The following GLOD4 variants were observed in gnomAD, a reference collection of about 807,000 sequenced individuals.
GLOD4 encodes the protein glyoxalase domain-containing protein 4.
In GLOD4, 44 loss-of-function variants were observed where a neutral mutation model predicts 39.1. The observed-to-expected ratio is 1.13, with a 90% confidence interval of 0.88 to 1.45. The LOEUF is 1.45. Ranked by LOEUF, GLOD4 falls within the 40% of genes most tolerant of loss-of-function variation. The probability of loss-of-function intolerance (pLI) is 0.00; values close to 1 mark genes in which losing one functional copy is unlikely to be tolerated. For synonymous variants in GLOD4, 145 were observed against 135.0 expected, an observed-to-expected ratio of 1.07 and a Z score of -0.52; for missense variants, 405 against 366.4, an observed-to-expected ratio of 1.11 and a Z score of -0.86.
intron 8 of GLOD4, among the ~76,000 whole-genome samples, chr17:769,620 A>G (rs1222915197): frequency 6.6e-6 from 1 of 151,560 alleles, no homozygotes; most frequent in East Asian, 2.0e-4. Flanking sequence ...AGAGCAGAAT[A>G]AGCACAGATC....
intron 8 of GLOD4, among the ~76,000 whole-genome samples, chr17:768,754 T>TAGA (rs59972384): frequency 3.0e-5 from 3 of 98,640 alleles, no homozygotes; most frequent in Admixed American, 1.1e-4. Flanking sequence ...CTCAGATTTT[T>TAGA]AGAAGAAATC....
At chr17:761,294 G>A (rs1203763248) in intron 8 of GLOD4, among the ~76,000 whole-genome samples, 2 of 152,128 alleles carry the variant, frequency 1.3e-5, no homozygotes, top group African/African-American at 4.8e-5. Context: ...AGGTGAAAGT[G>A]GCTGTCCTAG....
At chr17:776,021 T>C (rs977201513) in intron 3 of GLOD4, 102 bp from the exon 4 acceptor site, 3 of 850,858 alleles carry the variant, frequency 3.5e-6, no homozygotes, top group Non-Finnish European at 5.6e-6. Flanking sequence ...TTAGGTAAAA[T>C]CACCTAAGAT....
chr17:781,998 C>T lies in GLOD4; in HGVS notation c.90+168G>A, dbSNP rs754065921. Reference sequence around the variant, plus strand: ...GGCCCTTCTCCAAGGCCTATGATCCCCAACGGCAACTCGCCACGCTCCTGA... The same window carrying T: ...GGCCCTTCTCCAAGGCCTATGATCCTCAACGGCAACTCGCCACGCTCCTGA... On this transcript the variant is annotated intron_variant, in intron 1 of 8. Coordinates refer to ENST00000301329, the MANE Select transcript of GLOD4 (RefSeq NM_016080.4). The T allele has an allele frequency of 3.2e-5, 19 of 597,010 alleles. No homozygotes were observed. The East Asian group carries it at 5.3e-4, about 17-fold the overall frequency. 37.0% of individuals were successfully genotyped at this position (597,010 alleles called of 1,614,324 possible). A position where few individuals can be genotyped will look rare whatever the true frequency, so the allele number is the denominator to read the frequency against.
rs759420359 is a variant in GLOD4, at chr17:776,850, G to GA, written c.261+17dup. 6.2e-5 allele frequency: 100 copies of GA among 1,607,244 alleles called. 1 individual carries two copies. In the Middle Eastern group the frequency reaches 2.0e-3, roughly 32 times the overall value. On this transcript the variant is annotated intron_variant, in intron 3 of 8. Transcript: ENST00000301329. ...CCTACCCCCAGCCAAAACTCTGCTAGAAAAAAACGGTATTTACCATAAAGT... is the reference window on the plus strand; with the variant it reads ...CCTACCCCCAGCCAAAACTCTGCTAGAAAAAAAACGGTATTTACCATAAAGT...
In GLOD4 at chr17:771,605, T is replaced by A. The variant is rs538746154; in HGVS notation, c.407-144A>T. On this transcript the variant is annotated intron_variant, in intron 4 of 8. Coordinates refer to ENST00000301329, the MANE Select transcript of GLOD4 (RefSeq NM_016080.4). ...GTATGAAGCTGGGTGCAGCGGCCCA[T>A]GCCTGTAATGCCAGCACTTTGGGAG... The A allele has an allele frequency of 2.0e-5, 10 of 496,688 alleles. No individual in the cohort carries two copies. The East Asian group carries it at 2.8e-4, about 14-fold the overall frequency. 30.8% of individuals were successfully genotyped at this position (496,688 alleles called of 1,614,324 possible).
Position 771,478 on chromosome 17 carries a change from C to A in GLOD4, c.407-17G>T. Reference sequence around the variant, plus strand: ...ATACAGGATCTGTTGGGTAATAAAGCAGGAATAGACAGATCAATTTAATAG... The same window carrying A: ...ATACAGGATCTGTTGGGTAATAAAGAAGGAATAGACAGATCAATTTAATAG... On this transcript the variant is annotated splice_polypyrimidine_tract_variant and intron_variant, in intron 4 of 8. Coordinates refer to ENST00000301329, the MANE Select transcript of GLOD4 (RefSeq NM_016080.4). 7.0e-7 allele frequency: 1 copy of A among 1,433,206 alleles called. No homozygotes were observed. Among genetic ancestry groups the A allele is most frequent in the South Asian group, 1.3e-5 (1 of 76,930 alleles). 88.8% of individuals were successfully genotyped at this position (1,433,206 alleles called of 1,614,324 possible). A position where few individuals can be genotyped will look rare whatever the true frequency, so the allele number is the denominator to read the frequency against.
At chr17:772,547 G>A (rs573058345) in intron 4 of GLOD4, among the ~76,000 whole-genome samples, 249 of 152,198 alleles carry the variant, frequency 1.6e-3, no homozygotes, top group African/African-American at 5.2e-3. Context: ...CAACACAGTA[G>A]GGGGAACAAC....
intron 8 of GLOD4, among the ~76,000 whole-genome samples, chr17:763,332 AC>A (rs1330167547): frequency 6.6e-6 from 1 of 151,996 alleles, no homozygotes; most frequent in Non-Finnish European, 1.5e-5. Flanking sequence ...AAATGGTGAA[AC>A]CCTGTCTCTA....
At chr17:782,982 C>T, upstream of GLOD4, 1 of 1,486,838 alleles carries the variant, frequency 6.7e-7, no homozygotes, top group Non-Finnish European at 8.9e-7. Context: ...GCCACCGCGC[C>T]CGGCCCTCTC....
chr17:768,994 GA>G (rs1907375681), intron 8 of GLOD4, among the ~76,000 whole-genome samples: 1 of 152,274 alleles, frequency 6.6e-6, no homozygotes, highest in Non-Finnish European at 1.5e-5. Flanking sequence ...GAAATCTGGA[GA>G]GGAGATATGG....
At chr17:784,496 T>G (rs1379203190), upstream of GLOD4, among the ~76,000 whole-genome samples, 7 of 151,570 alleles carry the variant, frequency 4.6e-5, no homozygotes, top group African/African-American at 1.7e-4. Context: ...CATCTTGAAC[T>G]TGTGCTTGTC....
intron 4 of GLOD4, among the ~76,000 whole-genome samples, chr17:772,065 T>G (rs1310613984): frequency 1.4e-5 from 2 of 146,120 alleles, no homozygotes; most frequent in Non-Finnish European, 3.0e-5. Flanking sequence ...GGCTCATGTG[T>G]GTATTCCCAG....
intron 2 of GLOD4, 129 bp downstream of exon 2, chr17:778,566 G>T (rs549603965): frequency 1.2e-4 from 90 of 727,596 alleles, no homozygotes; most frequent in Non-Finnish European, 1.9e-4. Flanking sequence ...CGACGCTCCT[G>T]AAGTTGCCTC....
In GLOD4 at chr17:778,749, T is replaced by A; in HGVS notation, c.91-5A>T. 6.3e-7 allele frequency: 1 copy of A among 1,588,436 alleles called. No individual in the cohort carries two copies. The highest frequency in any genetic ancestry group is 8.6e-7 in the Non-Finnish European group (1 of 1,156,750). ...AAATTCCTCATGCCGCAGAACCTGG[T>A]GTGAGATTTAGAATAAATTGTGAAG... On this transcript the variant is annotated splice_polypyrimidine_tract_variant and splice_region_variant and intron_variant, in intron 1 of 8. Coordinates refer to ENST00000301329, the MANE Select transcript of GLOD4 (RefSeq NM_016080.4).
upstream of GLOD4, chr17:782,567 T>A (rs1910174746): frequency 6.2e-7 from 1 of 1,613,958 alleles, no homozygotes; most frequent in Admixed American, 1.7e-5. Flanking sequence ...AGGCACCATC[T>A]GAGGCCAGTG....
intron 4 of GLOD4, 145 bp from the exon 5 acceptor site, chr17:771,606 G>T: frequency 2.0e-6 from 1 of 496,416 alleles, no homozygotes; most frequent in African/African-American, 2.0e-5. Flanking sequence ...AGCGGCCCAT[G>T]CCTGTAATGC....
intron 4 of GLOD4, among the ~76,000 whole-genome samples, chr17:774,710 A>G (rs1908593740): frequency 6.6e-6 from 1 of 152,168 alleles, no homozygotes; most frequent in Non-Finnish European, 1.5e-5. Context: ...CAGGCACAGT[A>G]TATCAAATCT....
intron 3 of GLOD4, among the ~76,000 whole-genome samples, chr17:776,660 G>A (rs1231801202): frequency 1.3e-5 from 2 of 151,998 alleles, no homozygotes; most frequent in South Asian, 2.1e-4. Context: ...CCTCGAACAC[G>A]CCAGATGTTA....
Sources: allele counts gnomAD v4.1 joint callset (sites outside exome capture counted in the v4.1 genomes callset), GRCh38; gene constraint gnomAD v4.1.1; transcripts MANE v1.5; gene names NCBI Gene and HGNC (gene_info 2026-07-23, HGNC 2026-07-21).